Variants in FOXP2 observed in about 807,000 individuals in gnomAD.
FOXP2 encodes the protein forkhead box protein P2.
In FOXP2, 12 loss-of-function variants were observed where a neutral mutation model predicts 115.8. The ratio of observed to expected loss-of-function variants is 0.10; its 90% CI spans 0.07 to 0.17. The LOEUF is 0.17. Among genes scored for constraint, FOXP2 ranks in the 10% least tolerant of loss-of-function variants. The pLI, the probability that FOXP2 is intolerant of heterozygous loss-of-function variation, is 1.00. For missense variants in FOXP2, 629 were observed against 843.5 expected, an observed-to-expected ratio of 0.75 and a Z score of 3.15; for synonymous variants, 328 against 297.7, an observed-to-expected ratio of 1.10 and a Z score of -1.05.
intron 2 of FOXP2, among the ~76,000 whole-genome samples, chr7:114,443,197 T>C (rs1458595641): frequency 6.6e-6 from 1 of 152,206 alleles, no homozygotes; most frequent in African/African-American, 2.4e-5. Context: ...ATATAACATA[T>C]GTACTGTCTC....
In FOXP2 at chr7:114,272,530, G is replaced by A. The variant is rs544427441; in HGVS notation, c.-101-15489G>A. Among the ~76,000 whole-genome samples the A allele has an allele frequency of 7.4e-4, 112 of 151,894 alleles. 3 individuals carry two copies. In the South Asian group the frequency reaches 0.023, roughly 31 times the overall value. ...GGCCTGGTGCTTTCTATTTTGGGAG[G>A]TAATTAATTATTGACTCAATTTCTT... On this transcript the variant is annotated intron_variant, in intron 1 of 17. Coordinates refer to the FOXP2 transcript ENST00000634411.
chr7:114,205,471 G>A (rs530792941), intron 1 of FOXP2, among the ~76,000 whole-genome samples: 2 of 152,200 alleles, frequency 1.3e-5, no homozygotes, highest in Admixed American at 6.5e-5. Flanking sequence ...ACATTGGTAA[G>A]GATTTTTGAA....
At chr7:114,364,368 G>A (rs1355499277) in intron 2 of FOXP2, among the ~76,000 whole-genome samples, 1 of 152,092 alleles carries the variant, frequency 6.6e-6, no homozygotes, top group Non-Finnish European at 1.5e-5. Flanking sequence ...CAGCCAGCTG[G>A]CTGGCAAATG....
chr7:114,518,676 T>C (rs1004275379), intron 2 of FOXP2, among the ~76,000 whole-genome samples: 6 of 152,128 alleles, frequency 3.9e-5, no homozygotes, highest in Non-Finnish European at 8.8e-5. Flanking sequence ...TTAAATTTTT[T>C]TGTATTTTTA....
chr7:114,434,447 G>A (rs912764502), intron 2 of FOXP2, among the ~76,000 whole-genome samples: 1 of 140,920 alleles, frequency 7.1e-6, no homozygotes, highest in Non-Finnish European at 1.6e-5. Flanking sequence ...ATGGGGGGGG[G>A]GGATAAGGTA....
chr7:114,652,132 T>C (rs1806296778), intron 8 of FOXP2, 71 bp from the exon 9 acceptor site: 2 of 1,429,006 alleles, frequency 1.4e-6, no homozygotes, highest in Admixed American at 3.4e-5. Context: ...GTGTAGTGCT[T>C]TTTAAGTGTA....
chr7:114,683,221 C>T (rs898652896), intron 16 of FOXP2, among the ~76,000 whole-genome samples: 6 of 152,208 alleles, frequency 3.9e-5, no homozygotes, highest in Non-Finnish European at 7.4e-5. Flanking sequence ...TTTCATGGCA[C>T]GTAATTTATT....
At chr7:114,657,632 G>GA (rs915801994) in intron 10 of FOXP2, among the ~76,000 whole-genome samples, 18 of 150,292 alleles carry the variant, frequency 1.2e-4, no homozygotes, top group African/African-American at 3.9e-4. Flanking sequence ...TTGGGACTAC[G>GA]AAAAAAAAAA....
chr7:114,656,325 TATG>T, intron 10 of FOXP2: 1 of 193,254 alleles, frequency 5.2e-6, no homozygotes, highest in Non-Finnish European at 1.1e-5. Flanking sequence ...TTTTTTTTTT[TATG>T]TATGGGGAAA....
intron 6 of FOXP2, among the ~76,000 whole-genome samples, chr7:114,634,217 A>G (rs948792803): frequency 6.6e-6 from 1 of 152,062 alleles, no homozygotes; most frequent in Non-Finnish European, 1.5e-5. Context: ...GCTGGTCTCT[A>G]ACCCCTGACC....
chr7:114,670,447 A>G (rs190068572), intron 16 of FOXP2, among the ~76,000 whole-genome samples: 67 of 152,038 alleles, frequency 4.4e-4, no homozygotes, highest in African/African-American at 1.6e-3. Context: ...TACATCACAT[A>G]CCCCAGTCAT....
Position 114,313,681 on chromosome 7 carries a change from C to T in FOXP2, c.-11+25572C>T, listed in dbSNP as rs1414680986. 5.8e-5 allele frequency among the ~76,000 whole-genome samples: 3 copies of T among 51,344 alleles called. 1 individual carries two copies. Among genetic ancestry groups the T allele is most frequent in the Non-Finnish European group, 9.9e-5 (3 of 30,258 alleles). The allele number at this position is 51,344 out of a possible 152,430, so 33.7% of individuals were successfully genotyped here. ...AATGGCGTGAACCCGGGAGGCGGAG[C>T]TTGCAGTGAGCCGAGATTGCGCCAC... is the stretch of plus-strand genomic sequence containing the variant. On this transcript the variant is annotated intron_variant, in intron 2 of 17. Transcript: ENST00000634411.
intron 3 of FOXP2, among the ~76,000 whole-genome samples, chr7:114,601,196 C>A (rs1369674504): frequency 2.6e-5 from 4 of 152,098 alleles, no homozygotes; most frequent in Non-Finnish European, 4.4e-5. Flanking sequence ...GAACTCCTGG[C>A]CTCAGGTGAT....
intron 2 of FOXP2, among the ~76,000 whole-genome samples, chr7:114,378,703 G>GAAAAAAAAAAAAAAAAAAAAAAAAAA (rs1792203473): frequency 1.4e-4 from 5 of 36,234 alleles, no homozygotes; most frequent in Admixed American, 2.9e-4. Context: ...AAAAAAAAAG[G>GAAAAAAAAAAAAAAAAAAAAAAAAAA]AAAAGAAAAA....
chr7:114,159,430 G>T (rs1792767000), upstream of FOXP2, among the ~76,000 whole-genome samples: 1 of 151,098 alleles, frequency 6.6e-6, no homozygotes, highest in Non-Finnish European at 1.5e-5. Flanking sequence ...TGAAAGAATG[G>T]AATCTCTTTC....
intron 2 of FOXP2, among the ~76,000 whole-genome samples, chr7:114,471,954 C>T (rs1312736763): frequency 6.8e-6 from 1 of 147,572 alleles, no homozygotes; most frequent in Non-Finnish European, 1.5e-5. Flanking sequence ...AGTGAAACTC[C>T]ATCTCAGGAA....
At chr7:114,393,777 T>C (rs1031292363) in intron 2 of FOXP2, among the ~76,000 whole-genome samples, 1 of 152,098 alleles carries the variant, frequency 6.6e-6, no homozygotes, top group African/African-American at 2.4e-5. Flanking sequence ...CACAGGGAAT[T>C]GATCACATAA....
chr7:114,495,181 A>G (rs1346629585), intron 2 of FOXP2, among the ~76,000 whole-genome samples: 2 of 152,306 alleles, frequency 1.3e-5, no homozygotes, highest in South Asian at 2.1e-4. Flanking sequence ...GATGTGCACT[A>G]GAATGTGTTG....
At chr7:114,689,711 C>T in intron 16 of FOXP2, 71 bp from the exon 17 acceptor site, 2 of 1,542,968 alleles carry the variant, frequency 1.3e-6, no homozygotes, top group Admixed American at 1.7e-5. Flanking sequence ...TTGACCTCTT[C>T]ACTGCAAAGT....
Sources: allele counts gnomAD v4.1 joint callset (sites outside exome capture counted in the v4.1 genomes callset), GRCh38; gene constraint gnomAD v4.1.1; transcripts MANE v1.5; gene names NCBI Gene and HGNC (gene_info 2026-07-23, HGNC 2026-07-21).